The following MME variants were observed in gnomAD, a reference collection of about 807,000 sequenced individuals.
The protein encoded by MME is membrane metalloendopeptidase.
In MME, 98 loss-of-function variants were observed where a neutral mutation model predicts 113.2. That is an observed-to-expected ratio of 0.87 (90% CI 0.74 to 1.02). MME has a LOEUF of 1.02. MME is among the 50% of genes least tolerant of loss of function. MME has a pLI of 0.00. For synonymous variants in MME, 292 were observed against 300.6 expected (o/e 0.97, Z 0.30); for missense variants, 836 against 896.0 (o/e 0.93, Z 0.86).
At chr3:155,091,418 T>A (rs753134490) in intron 3 of MME, among the ~76,000 whole-genome samples, 22 of 152,136 alleles carry the variant, frequency 1.4e-4, no homozygotes, top group Admixed American at 3.9e-4. Flanking sequence ...AAAACATATA[T>A]AAGTTGAGTT....
At chr3:155,041,248 C>T (rs1229547566) in intron 1 of MME, among the ~76,000 whole-genome samples, 1 of 151,256 alleles carries the variant, frequency 6.6e-6, no homozygotes, top group Non-Finnish European at 1.5e-5. Context: ...TCATTATTGC[C>T]CCTTCCCCCA....
intron 3 of MME, among the ~76,000 whole-genome samples, chr3:155,106,517 AT>A (rs2108229226): frequency 6.6e-6 from 1 of 152,180 alleles, no homozygotes; most frequent in South Asian, 2.1e-4. Context: ...GTTTTCAGTC[AT>A]TTTCTCTTCA....
In MME at chr3:155,084,291, G is replaced by C. The variant is rs201190279; in HGVS notation, c.124G>C (p.Ala42Pro). ...SVLVLLLTII[A>P]VTMIALYATY... ...CCTTGTCCTGCTCCTCACCATCATA[G>C]CTGTGACAATGATCGCACTCTATGC... The change falls in exon 2 of 23, where the codon GCT becomes CCT. Residue 42 changes from alanine to proline, a missense_variant. Physicochemically the swap from Ala to Pro is conservative, Grantham distance 27 (BLOSUM62 -1). Coordinates refer to ENST00000360490, the MANE Select transcript of MME (RefSeq NM_007289.4). The C allele has an allele frequency of 6.2e-7, 1 of 1,614,142 alleles. No individual in the cohort carries two copies. The highest frequency in any genetic ancestry group is 1.1e-5 in the South Asian group (1 of 91,080).
chr3:155,094,965 G>A (rs748246274), intron 3 of MME, among the ~76,000 whole-genome samples: 13 of 152,192 alleles, frequency 8.5e-5, no homozygotes, highest in African/African-American at 2.7e-4. Flanking sequence ...ATGCAGTCTC[G>A]GGCTCCGCCT....
rs1250726521 is a variant in MME at position 155,085,090 on chromosome 3, A to G, written c.192A>G (p.Lys64=). 1 of 1,581,644 alleles carries G rather than the reference A, an allele frequency of 6.3e-7. No homozygotes were observed. The highest frequency in any genetic ancestry group is 2.3e-5 in the East Asian group (1 of 44,432). The change falls in exon 3 of 23, where the codon AAA becomes AAG. Residue 64 remains lysine, a synonymous_variant. Coordinates refer to ENST00000360490, the MANE Select transcript of MME (RefSeq NM_007289.4). ...TTTGCAAGTCATCAGACTGCATAAA[A>G]TCAGGTAAGAAATGGTTTTTACGTG... ...DGICKSSDCI[K]SAARLIQNMD...
At chr3:155,107,512 G>T (rs1717791130) in intron 3 of MME, among the ~76,000 whole-genome samples, 1 of 152,120 alleles carries the variant, frequency 6.6e-6, no homozygotes, top group South Asian at 2.1e-4. Context: ...AATTGAGAAA[G>T]AAATGGTTTG....
chr3:155,124,386 A>G (rs1360053300), intron 8 of MME, among the ~76,000 whole-genome samples: 1 of 151,872 alleles, frequency 6.6e-6, no homozygotes, highest in Non-Finnish European at 1.5e-5. Flanking sequence ...AGCTCAGAGT[A>G]ATTTGATCGT....
intron 16 of MME, among the ~76,000 whole-genome samples, chr3:155,151,469 T>G (rs1359617104): frequency 6.6e-6 from 1 of 152,230 alleles, no homozygotes; most frequent in Non-Finnish European, 1.5e-5. Flanking sequence ...CTCATTTTAC[T>G]TCTCGACATC....
At chr3:155,157,606 C>T (rs1722410084) in intron 16 of MME, among the ~76,000 whole-genome samples, 1 of 152,198 alleles carries the variant, frequency 6.6e-6, no homozygotes, top group East Asian at 1.9e-4. Context: ...TGTGATTGAT[C>T]ACAAATATTA....
chr3:155,084,360 T>C, intron 2 of MME, 33 bp downstream of exon 2: 4 of 1,610,516 alleles, frequency 2.5e-6, no homozygotes, highest in African/African-American at 1.3e-5. Context: ...CATCCATAAG[T>C]GCAAAAGAGA....
chr3:155,148,413 TC>T (rs1721683497), intron 15 of MME, 136 bp from the exon 16 acceptor site: 4 of 635,626 alleles, frequency 6.3e-6, no homozygotes, highest in Non-Finnish European at 1.1e-5. Flanking sequence ...TGGAACTACA[TC>T]CTTTTTTGGT....
At chr3:155,132,807 C>A (rs1256605068) in intron 8 of MME, among the ~76,000 whole-genome samples, 2 of 151,698 alleles carry the variant, frequency 1.3e-5, no homozygotes, top group Non-Finnish European at 2.9e-5. Flanking sequence ...GTATTCCCAG[C>A]ACTTTGGGAC....
chr3:155,118,678 G>A (rs1046685080), intron 7 of MME, 68 bp from the exon 8 acceptor site: 2 of 1,001,274 alleles, frequency 2.0e-6, no homozygotes, highest in Non-Finnish European at 3.1e-6. Flanking sequence ...AGATAGACAT[G>A]CTTGTATTTT....
intron 22 of MME, among the ~76,000 whole-genome samples, chr3:155,179,289 G>A (rs575105412): frequency 1.3e-5 from 2 of 152,272 alleles, no homozygotes; most frequent in East Asian, 3.9e-4. Flanking sequence ...AGGCTAGAGA[G>A]GAGACTGGAG....
At chr3:155,063,046 A>AG (rs1385203621) in intron 1 of MME, among the ~76,000 whole-genome samples, 1 of 147,122 alleles carries the variant, frequency 6.8e-6, no homozygotes, top group Non-Finnish European at 1.5e-5. Context: ...AAAAAAAAAA[A>AG]AAAGAAAGGA....
chr3:155,092,052 G>C (rs1179540250), intron 3 of MME, among the ~76,000 whole-genome samples: 3 of 152,156 alleles, frequency 2.0e-5, no homozygotes, highest in Non-Finnish European at 4.4e-5. Context: ...GGATGTCCCA[G>C]TTCCAGAAGA....
At chr3:155,144,197 T>A (rs1287520509) in intron 13 of MME, among the ~76,000 whole-genome samples, 162 bp from the exon 14 acceptor site, 2 of 152,178 alleles carry the variant, frequency 1.3e-5, no homozygotes, top group Non-Finnish European at 2.9e-5. Flanking sequence ...TTTTAAAATA[T>A]AATGGTCCCA....
At chr3:155,110,026 C>T (rs1205286849) in intron 3 of MME, among the ~76,000 whole-genome samples, 2 of 152,248 alleles carry the variant, frequency 1.3e-5, no homozygotes, top group African/African-American at 2.4e-5. Flanking sequence ...TCAAGCTGTA[C>T]ATTGTCCTGC....
intron 1 of MME, among the ~76,000 whole-genome samples, chr3:155,032,992 T>G (rs1246788828): frequency 1.3e-5 from 2 of 152,210 alleles, no homozygotes; most frequent in Non-Finnish European, 2.9e-5. Context: ...TATTTAACAT[T>G]CCATACTAAA....
Sources: allele counts gnomAD v4.1 joint callset (sites outside exome capture counted in the v4.1 genomes callset), GRCh38; gene constraint gnomAD v4.1.1; transcripts MANE v1.5; gene names NCBI Gene and HGNC (gene_info 2026-07-23, HGNC 2026-07-21).